The following KIAA1217 variants were observed in gnomAD, a reference collection of about 807,000 sequenced individuals.
KIAA1217 encodes the protein KIAA1217.
In KIAA1217, 88 loss-of-function variants were observed where a neutral mutation model predicts 163.9. That is an observed-to-expected ratio of 0.54 (90% CI 0.45 to 0.64). The LOEUF is 0.64. KIAA1217 is among the 30% of genes least tolerant of loss of function. The pLI is 0.00. For synonymous variants in KIAA1217, 903 were observed against 923.1 expected (o/e 0.98, Z 0.39); for missense variants, 2,372 against 2,475.0 (o/e 0.96, Z 0.88).
intron 1 of KIAA1217, among the ~76,000 whole-genome samples, chr10:23,758,184 T>A (rs2130850115): frequency 6.6e-6 from 1 of 152,336 alleles, no homozygotes; most frequent in South Asian, 2.1e-4. Context: ...GTTTTACAGT[T>A]ATAGCTATTA....
In KIAA1217 at chr10:24,197,219, T is replaced by C. The variant is rs116587458; in HGVS notation, c.-170-22407T>C. Among the ~76,000 whole-genome samples the C allele has an allele frequency of 3.7e-3, 562 of 152,346 alleles. 6 individuals carry two copies. The highest frequency in any genetic ancestry group is 0.013 in the African/African-American group (545 of 41,578). ...ATATATACACGGTTTCAGCATCTTT[T>C]TTGATAAATGGTCATTAGACTTCTT... is the stretch of plus-strand genomic sequence containing the variant. On this transcript the variant is annotated intron_variant, in intron 2 of 18. Transcript: ENST00000376462.
chr10:24,436,344 G>A (rs535913254), intron 4 of KIAA1217, among the ~76,000 whole-genome samples: 158 of 152,180 alleles, frequency 1.0e-3, no homozygotes, highest in Non-Finnish European at 1.4e-3. Context: ...TTTATGCTAT[G>A]TGAGCACATG....
chr10:24,362,113 A>T (rs1220927806), intron 2 of KIAA1217, among the ~76,000 whole-genome samples: 1 of 152,062 alleles, frequency 6.6e-6, no homozygotes, highest in Non-Finnish European at 1.5e-5. Context: ...TTTTTTTTAA[A>T]TCTGCAAGTT....
chr10:24,350,940 G>A (rs1166049854), intron 2 of KIAA1217, among the ~76,000 whole-genome samples: 1 of 151,612 alleles, frequency 6.6e-6, no homozygotes, highest in South Asian at 2.1e-4. Flanking sequence ...AAGTGATTAT[G>A]CATCTTTTTT....
chr10:23,941,528 G>A (rs1297457267), intron 1 of KIAA1217, among the ~76,000 whole-genome samples: 2 of 152,048 alleles, frequency 1.3e-5, no homozygotes, highest in Non-Finnish European at 2.9e-5. Flanking sequence ...TGGATGATGA[G>A]AACTTAAATA....
chr10:24,513,342 A>T lies in KIAA1217; in HGVS notation c.2085A>T (p.Arg695Ser). 6.2e-7 allele frequency: 1 copy of T among 1,614,204 alleles called. No homozygotes were observed. Among genetic ancestry groups the T allele is most frequent in the Non-Finnish European group, 8.5e-7 (1 of 1,180,024 alleles). Residue 695 changes from arginine to serine, a missense_variant, in exon 10 of 21, where the codon AGA becomes AGT. By Grantham distance (110) the Arg-to-Ser change is moderately radical (BLOSUM62 -1). Coordinates refer to ENST00000376454, the MANE Select transcript of KIAA1217 (RefSeq NM_019590.5). The part of the protein sequence containing the change: ...ISGKVMETMK[R>S]LEDPVQRQRV... Reference sequence around the variant, plus strand: ...GCAAAGTGATGGAAACAATGAAGAGACTGGAGGATCCCGTGCAGCGACAGC... The same window carrying T: ...GCAAAGTGATGGAAACAATGAAGAGTCTGGAGGATCCCGTGCAGCGACAGC...
Position 23,719,599 on chromosome 10 carries a change from T to TAAATAAATAAATAAATAAACAAACAAAC in KIAA1217, c.-321+24376_-321+24377insTAAATAAACAAACAAACAAATAAATAAA, listed in dbSNP as rs1338495673. Among the ~76,000 whole-genome samples the TAAATAAATAAATAAATAAACAAACAAAC allele has an allele frequency of 7.9e-3, 1,168 of 147,844 alleles. 30 individuals are homozygous for TAAATAAATAAATAAATAAACAAACAAAC. Among genetic ancestry groups the TAAATAAATAAATAAATAAACAAACAAAC allele is most frequent in the African/African-American group, 0.027 (1,085 of 39,854 alleles). On this transcript the variant is annotated intron_variant, in intron 1 of 18. Coordinates refer to the KIAA1217 transcript ENST00000376462. ...CCCTTCTCAAAAATAAATAAATAAA[T>TAAATAAATAAATAAATAAACAAACAAAC]AAATAAATAAAAAGGAAGAAAAAGC...
intron 1 of KIAA1217, among the ~76,000 whole-genome samples, chr10:23,785,852 A>G (rs951015652): frequency 1.3e-5 from 2 of 152,138 alleles, no homozygotes; most frequent in African/African-American, 4.8e-5. Context: ...AGGAGAAAAG[A>G]GTAAAGGAGA....
Position 24,276,500 on chromosome 10 carries a change from C to A in KIAA1217, c.354+56591C>A, listed in dbSNP as rs551690828. ...TCGCTTTGTCACCCAGGCTGGAGTG[C>A]AGTGGCACAATCATAGCCCCTGTAA... On this transcript the variant is annotated intron_variant, in intron 2 of 20. Coordinates refer to ENST00000376454, the MANE Select transcript of KIAA1217 (RefSeq NM_019590.5). Among the ~76,000 whole-genome samples the A allele has an allele frequency of 3.3e-5, 5 of 152,246 alleles. No individual in the cohort carries two copies. In the East Asian group the frequency reaches 7.7e-4, roughly 24 times the overall value.
intron 1 of KIAA1217, among the ~76,000 whole-genome samples, chr10:23,909,775 G>A (rs535714821): frequency 6.6e-6 from 1 of 152,158 alleles, no homozygotes; most frequent in Non-Finnish European, 1.5e-5. Flanking sequence ...TGTCCTTATA[G>A]TAGGATGATT....
intron 3 of KIAA1217, among the ~76,000 whole-genome samples, chr10:24,423,528 C>T (rs537979596): frequency 1.5e-4 from 23 of 152,160 alleles, no homozygotes; most frequent in African/African-American, 5.1e-4. Context: ...GGCACCATCT[C>T]GGCTCACTGC....
chr10:24,398,191 T>A (rs562386725), intron 3 of KIAA1217, among the ~76,000 whole-genome samples: 1 of 152,294 alleles, frequency 6.6e-6, no homozygotes, highest in South Asian at 2.1e-4. Flanking sequence ...TATACTGTAT[T>A]TTTACCATAA....
chr10:24,475,924 A>C (rs73604487), intron 6 of KIAA1217, among the ~76,000 whole-genome samples: 1,990 of 152,276 alleles, frequency 0.013, 41 homozygotes, highest in African/African-American at 0.045. Context: ...TTACGGGAGC[A>C]AGAATTTAGA....
intron 2 of KIAA1217, among the ~76,000 whole-genome samples, chr10:24,105,622 G>A (rs1239866949): frequency 3.3e-5 from 5 of 152,182 alleles, no homozygotes; most frequent in Admixed American, 3.3e-4. Flanking sequence ...CAGTTCTGCT[G>A]TCTCCCTTGG....
In KIAA1217 at chr10:23,963,099, T is replaced by C. The variant is rs527555703; in HGVS notation, c.-320-44126T>C. On this transcript the variant is annotated intron_variant, in intron 1 of 18. Transcript: ENST00000376462. ...GACCTACAAAAATAATGGTTTCATATGGTTCAGCTTAAGAGTTGAATTTTT... is the reference window on the plus strand; with the variant it reads ...GACCTACAAAAATAATGGTTTCATACGGTTCAGCTTAAGAGTTGAATTTTT... 5.8e-4 allele frequency among the ~76,000 whole-genome samples: 89 copies of C among 152,308 alleles called. 3 individuals carry two copies. The South Asian group carries it at 0.014, about 24-fold the overall frequency.
chr10:24,040,348 T>C (rs1848579033), intron 2 of KIAA1217, among the ~76,000 whole-genome samples: 1 of 152,214 alleles, frequency 6.6e-6, no homozygotes, highest in South Asian at 2.1e-4. Context: ...TTTGACAGCC[T>C]ATAAAGTAGC....
intron 1 of KIAA1217, among the ~76,000 whole-genome samples, chr10:23,767,892 T>G (rs1330644315): frequency 6.6e-6 from 1 of 152,186 alleles, no homozygotes; most frequent in African/African-American, 2.4e-5. Flanking sequence ...AGAATCCAAG[T>G]AGGGCTTTCT....
intron 2 of KIAA1217, among the ~76,000 whole-genome samples, chr10:24,176,887 G>T (rs1157289340): frequency 6.6e-6 from 1 of 152,174 alleles, no homozygotes; most frequent in African/African-American, 2.4e-5. Context: ...GGCAGCTGAG[G>T]CCTGGCAAGA....
At chr10:23,939,536 A>T (rs1031902923) in intron 1 of KIAA1217, among the ~76,000 whole-genome samples, 1 of 152,088 alleles carries the variant, frequency 6.6e-6, no homozygotes, top group South Asian at 2.1e-4. Flanking sequence ...TTTATATAAC[A>T]GTACATAAAA....
Sources: gnomAD v4.1 joint callset for allele counts (sites outside exome capture counted in the v4.1 genomes callset) on GRCh38, gnomAD v4.1.1 for gene constraint, MANE v1.5 for transcripts, NCBI Gene and HGNC (gene_info 2026-07-23, HGNC 2026-07-21) for gene names.